Variants in LRRTM4 observed in about 807,000 individuals in gnomAD.
LRRTM4 encodes the protein leucine rich repeat transmembrane neuronal 4.
LRRTM4 carries 25 observed loss-of-function variants against 47.6 expected under a neutral mutation model. The observed-to-expected ratio is 0.53, with a 90% CI of 0.38 to 0.73. The LOEUF is 0.73. Among genes scored for constraint, LRRTM4 ranks in the 30% least tolerant of loss-of-function variants. The pLI, the probability that LRRTM4 is intolerant of heterozygous loss-of-function variation, is 0.00. For missense variants in LRRTM4, 638 were observed against 713.4 expected (o/e 0.89, Z 1.20); for synonymous variants, 311 against 269.5 (o/e 1.15, Z -1.51).
chr2:77,261,148 A>C (rs1345555951), intron 3 of LRRTM4, among the ~76,000 whole-genome samples: 1 of 151,788 alleles, frequency 6.6e-6, no homozygotes, highest in African/African-American at 2.4e-5. Context: ...GTTCAGAAAA[A>C]CAGAGTTCTC....
intron 3 of LRRTM4, among the ~76,000 whole-genome samples, chr2:76,901,312 T>C (rs1673624003): frequency 6.6e-6 from 1 of 152,200 alleles, no homozygotes; most frequent in Non-Finnish European, 1.5e-5. Flanking sequence ...TTTGGTTTTC[T>C]GTTCCTGCAT....
intron 3 of LRRTM4, among the ~76,000 whole-genome samples, chr2:76,904,355 G>A (rs904329904): frequency 2.0e-5 from 3 of 152,150 alleles, no homozygotes; most frequent in Admixed American, 1.3e-4. Flanking sequence ...ATTGTTATTC[G>A]AGGAAGAAAC....
intron 3 of LRRTM4, among the ~76,000 whole-genome samples, chr2:77,303,035 C>A (rs890043987): frequency 6.6e-6 from 1 of 151,796 alleles, no homozygotes. Context: ...ATATATTAGG[C>A]CCCACCATTG....
rs558585743 is a variant in LRRTM4 at position 77,377,592 on chromosome 2, C to T, written c.1551+140726G>A. Among the ~76,000 whole-genome samples the T allele has an allele frequency of 5.3e-5, 8 of 151,988 alleles. No individual in the cohort carries two copies. In the South Asian group the frequency reaches 1.7e-3, roughly 32 times the overall value. On this transcript the variant is annotated intron_variant, in intron 3 of 3. Transcript: ENST00000409884. ...CTTTTAATGAATGTTCTAATGCCTC[C>T]TGTTAAGTGAGACATTTTCTGCAAC...
In LRRTM4 at chr2:77,518,363, T is replaced by A; in HGVS notation, c.1506A>T (p.Gly502=). 6.2e-7 allele frequency: 1 copy of A among 1,612,686 alleles called. No homozygotes were observed. The change falls in exon 3 of 4, where the codon GGA becomes GGT. Residue 502 remains glycine, a synonymous_variant. Coordinates refer to ENST00000409884, the MANE Select transcript of LRRTM4 (RefSeq NM_001134745.3). ...NSETMDISVN[G]SGPCTYTISG... is the part of the protein sequence containing the mutation. ...AGATGGTATATGTGCAGGGCCCAGA[T>A]CCATTAACCGATATATCCATGGTCT...
At chr2:77,166,683 C>CT (rs1672895970) in intron 3 of LRRTM4, among the ~76,000 whole-genome samples, 1 of 152,056 alleles carries the variant, frequency 6.6e-6, no homozygotes, top group African/African-American at 2.4e-5. Context: ...TTTGACAAAC[C>CT]TGACAAAAAC....
At chr2:76,909,556 C>A (rs1256808727) in intron 3 of LRRTM4, among the ~76,000 whole-genome samples, 1 of 151,836 alleles carries the variant, frequency 6.6e-6, no homozygotes, top group Admixed American at 6.6e-5. Context: ...AGTGAACAGG[C>A]AACCTACAAA....
chr2:76,924,298 C>G (rs186751437), intron 3 of LRRTM4, among the ~76,000 whole-genome samples: 2 of 152,026 alleles, frequency 1.3e-5, no homozygotes, highest in African/African-American at 4.8e-5. Flanking sequence ...TCTTTATAAA[C>G]TATTTTCCTC....
intron 3 of LRRTM4, among the ~76,000 whole-genome samples, chr2:77,176,980 T>C (rs1673214914): frequency 6.6e-6 from 1 of 152,098 alleles, no homozygotes; most frequent in South Asian, 2.1e-4. Flanking sequence ...CTTCCAGAAA[T>C]TATCACATAT....
At chr2:77,472,934 C>T (rs1406976930) in intron 3 of LRRTM4, among the ~76,000 whole-genome samples, 1 of 152,098 alleles carries the variant, frequency 6.6e-6, no homozygotes, top group Non-Finnish European at 1.5e-5. Flanking sequence ...TTGCTCACAG[C>T]AATCTCATAT....
intron 3 of LRRTM4, among the ~76,000 whole-genome samples, chr2:77,117,517 C>CTT (rs139060214): frequency 6.2e-4 from 94 of 151,308 alleles, no homozygotes; most frequent in African/African-American, 2.1e-3. Flanking sequence ...TCTTACTTTT[C>CTT]TTTTTTTTCC....
At chr2:76,863,260 TGA>T (rs781097688) in intron 3 of LRRTM4, among the ~76,000 whole-genome samples, 109 of 152,344 alleles carry the variant, frequency 7.2e-4, no homozygotes, top group Non-Finnish European at 1.4e-3. Context: ...AAGGTACTTA[TGA>T]CTGTTTTGAA....
At chr2:76,807,387 T>C (rs1266150068) in intron 3 of LRRTM4, among the ~76,000 whole-genome samples, 1 of 126,500 alleles carries the variant, frequency 7.9e-6, no homozygotes, top group Non-Finnish European at 1.5e-5. Flanking sequence ...TCATTTTATA[T>C]ATATATATAT....
intron 3 of LRRTM4, among the ~76,000 whole-genome samples, chr2:77,515,426 A>G (rs1679170136): frequency 6.6e-6 from 1 of 151,862 alleles, no homozygotes; most frequent in Non-Finnish European, 1.5e-5. Flanking sequence ...CAAAATGGAT[A>G]TTGTAACCAT....
intron 3 of LRRTM4, among the ~76,000 whole-genome samples, chr2:77,107,260 CTT>C (rs2040032900): frequency 2.3e-5 from 2 of 86,064 alleles, no homozygotes; most frequent in African/African-American, 2.2e-4. Flanking sequence ...TTTAATAACT[CTT>C]ATCTTTGGCA....
At chr2:76,964,593 ATTATGGT>A (rs1041349419) in intron 3 of LRRTM4, among the ~76,000 whole-genome samples, 5 of 150,974 alleles carry the variant, frequency 3.3e-5, no homozygotes, top group African/African-American at 9.7e-5. Context: ...CTGAAATAAA[ATTATGGT>A]TTTAGAATTG....
At chr2:76,924,193 C>T (rs761487374) in intron 3 of LRRTM4, among the ~76,000 whole-genome samples, 1 of 151,994 alleles carries the variant, frequency 6.6e-6, no homozygotes, top group Non-Finnish European at 1.5e-5. Context: ...ATTCACTTAT[C>T]CTAAACACCT....
intron 3 of LRRTM4, among the ~76,000 whole-genome samples, chr2:77,182,294 C>T (rs193195522): frequency 1.6e-3 from 241 of 152,180 alleles, no homozygotes; most frequent in Non-Finnish European, 2.9e-3. Context: ...AGCTGGAAGC[C>T]ATCATCCTCA....
At chr2:76,936,764 G>A (rs926578154) in intron 3 of LRRTM4, among the ~76,000 whole-genome samples, 1 of 150,322 alleles carries the variant, frequency 6.7e-6, no homozygotes, top group African/African-American at 2.5e-5. Context: ...AGACCAGTCT[G>A]GCCAAATGGT....
Sources: gnomAD v4.1 joint callset for allele counts (sites outside exome capture counted in the v4.1 genomes callset) on GRCh38, gnomAD v4.1.1 for gene constraint, MANE v1.5 for transcripts, NCBI Gene and HGNC (gene_info 2026-07-23, HGNC 2026-07-21) for gene names.